TUBGCP5: variants seen among roughly 807,000 people sequenced by gnomAD.
TUBGCP5 encodes the protein tubulin gamma complex component 5.
TUBGCP5 carries 98 observed loss-of-function variants against 134.7 expected under a neutral mutation model. The observed-to-expected ratio is 0.73, with a 90% CI of 0.62 to 0.86. The LOEUF (loss-of-function observed/expected upper bound fraction) is 0.86, where lower values mean the gene tolerates loss of function less well. TUBGCP5 is among the 40% of genes least tolerant of loss of function. The pLI, the probability that TUBGCP5 is intolerant of heterozygous loss-of-function variation, is 0.00. For missense variants in TUBGCP5, 1,150 were observed against 1,244.8 expected (o/e 0.92, Z 1.15); for synonymous variants, 456 against 431.4 (o/e 1.06, Z -0.71).
rs1310080491 is a variant in TUBGCP5 at position 22,993,546 on chromosome 15, T to G, written c.*61+3299A>C. On this transcript the variant is annotated intron_variant and NMD_transcript_variant, in intron 23 of 23. Transcript: ENST00000614508. The stretch of plus-strand genomic sequence containing the variant: ...CGAAGTTTTTTTTTTTTTTTTTTTT[T>G]TTTTTTTTTTTAATATGAGACGGAG... Among the ~76,000 whole-genome samples the G allele has an allele frequency of 8.9e-4, 113 of 127,580 alleles. 3 individuals are homozygous for G. The highest frequency in any genetic ancestry group is 2.8e-3 in the African/African-American group (100 of 35,298). The allele number at this position is 127,580 out of a possible 152,430, so 83.7% of individuals were successfully genotyped here.
rs1282844204 is a variant in TUBGCP5 at position 23,013,874 on chromosome 15, C to G, written c.1757-2543G>C. ...TCCTCTGGGCCAGTAGCTGCTGCAC[C>G]TCTCCTGCACCCCAGCCACTGGGGC... On this transcript the variant is annotated intron_variant, in intron 13 of 22. Transcript: ENST00000615383. The surrounding 1 kb of genome is among the most constrained non-coding windows in gnomAD (Gnocchi z 4.5). Among the ~76,000 whole-genome samples the G allele has an allele frequency of 6.6e-6, 1 of 152,168 alleles. No homozygotes were observed. Among genetic ancestry groups the G allele is most frequent in the Admixed American group, 6.5e-5 (1 of 15,274 alleles).
At chr15:22,983,244 G>T (rs755521211) in exon 24 of TUBGCP5, 1 of 152,126 alleles carries the variant, frequency 6.6e-6, no homozygotes, top group Non-Finnish European at 1.5e-5. Flanking sequence ...AAATAAACAC[G>T]TAACATTCAC....
Position 23,017,779 on chromosome 15 carries a change from C to T in TUBGCP5, c.1750G>A (p.Ala584Thr). 1 of 1,613,196 alleles carries T rather than the reference C, an allele frequency of 6.2e-7. No homozygotes were observed. The highest frequency in any genetic ancestry group is 8.5e-7 in the Non-Finnish European group (1 of 1,179,412). The change falls in exon 13 of 23, where the codon GCC becomes ACC. Residue 584 changes from alanine (A) to threonine (T), a missense_variant. Coordinates refer to ENST00000615383, the MANE Select transcript of TUBGCP5 (RefSeq NM_052903.6). ...CAESTTCQAG[A>T]RDAERKSLYT... is the part of the protein sequence containing the mutation. ...AGGAAGACGGAACAAGTACCTCTGG[C>T]TCCTGCCTGGCAGGTGGTGCTCTCC...
chr15:23,035,803 G>A (rs1010082721), intron 3 of TUBGCP5, among the ~76,000 whole-genome samples: 2 of 152,094 alleles, frequency 1.3e-5, no homozygotes, highest in Non-Finnish European at 2.9e-5. Context: ...GACACAGAGG[G>A]GATAGTGAAG....
downstream of TUBGCP5, chr15:22,996,758 G>A (rs546304981): frequency 2.6e-5 from 4 of 152,394 alleles, no homozygotes; most frequent in Admixed American, 1.3e-4. Flanking sequence ...AAAGTGCTGG[G>A]ATTATAGGCA....
rs1050395798 is a variant in TUBGCP5 at position 23,026,696 on chromosome 15, G to A, written c.738-491C>T. ...GCCTGTAATTCCAGCACTTTGGGAG[G>A]CCGAGGCAGGTGGATCACTTGAGGA... On this transcript the variant is annotated intron_variant, in intron 7 of 22. Coordinates refer to ENST00000615383, the MANE Select transcript of TUBGCP5 (RefSeq NM_052903.6). Among the ~76,000 whole-genome samples, 4 of 152,256 alleles carry A rather than the reference G, an allele frequency of 2.6e-5. No homozygotes were observed. In the East Asian group the frequency reaches 7.7e-4, roughly 29 times the overall value.
chr15:22,995,403 C>T (rs1457984380), downstream of TUBGCP5, among the ~76,000 whole-genome samples: 2 of 151,900 alleles, frequency 1.3e-5, no homozygotes, highest in East Asian at 1.9e-4. Context: ...CCACCTTGTT[C>T]GTGGTCCCCC....
chr15:23,011,112 A>G (rs2065007508), intron 14 of TUBGCP5, 21 bp downstream of exon 14: 1 of 1,611,102 alleles, frequency 6.2e-7, no homozygotes, highest in South Asian at 1.1e-5. Context: ...AATTACTGAT[A>G]ACCTTGCAGG....
chr15:22,993,934 G>A (rs1302305890), intron 23 of TUBGCP5, among the ~76,000 whole-genome samples: 2 of 152,056 alleles, frequency 1.3e-5, no homozygotes, highest in Non-Finnish European at 2.9e-5. Context: ...GCCTGCCTCG[G>A]CCTCCCAAAA....
intron 23 of TUBGCP5, among the ~76,000 whole-genome samples, chr15:22,993,399 G>A (rs1798601473): frequency 6.8e-6 from 1 of 147,476 alleles, no homozygotes; most frequent in Admixed American, 6.8e-5. Context: ...CGCCCAGCTG[G>A]AAACTCTTTT....
Position 22,999,837 on chromosome 15 carries a change from C to G in TUBGCP5, c.3058G>C (p.Gly1020Arg), listed in dbSNP as rs1378473489. The G allele has an allele frequency of 4.3e-6, 7 of 1,613,874 alleles. No individual in the cohort carries two copies. In the South Asian group the frequency reaches 7.7e-5, roughly 18 times the overall value. Reference sequence around the variant, plus strand: ...GAAGACATTTAACTTTGTTCCATGCCAGCCATGAGTGACAACGCTAGAGAT... The same window carrying G: ...GAAGACATTTAACTTTGTTCCATGCGAGCCATGAGTGACAACGCTAGAGAT... ...LESLALSLMA[G>R]MEQS is the part of the protein sequence containing the mutation. Residue 1020 changes from glycine to arginine, a missense_variant, in exon 23 of 23, where the codon GGC (glycine) becomes CGC (arginine). Coordinates refer to ENST00000615383, the MANE Select transcript of TUBGCP5 (RefSeq NM_052903.6).
chr15:23,018,149 T>C, intron 12 of TUBGCP5, 108 bp from the exon 13 acceptor site: 1 of 1,188,618 alleles, frequency 8.4e-7, no homozygotes, highest in Non-Finnish European at 1.2e-6. Flanking sequence ...TAATTATTAG[T>C]AAACTGAAGC....
chr15:23,014,249 G>A (rs2065193813), intron 13 of TUBGCP5, among the ~76,000 whole-genome samples: 2 of 152,182 alleles, frequency 1.3e-5, no homozygotes, highest in African/African-American at 2.4e-5. Context: ...CTACCCAGTG[G>A]CCCTGGGTCA....
rs143778036 is a variant in TUBGCP5, at chr15:23,037,144, C to T, written c.155G>A (p.Arg52His). ...TTTGTGGCTGTTGACATCCAAGAAA[C>T]GATGAAATCTATTAAAGACAAAATG... is the stretch of plus-strand genomic sequence containing the variant. Reference protein sequence around the residue: ...NFAWSNFRFHRFLDVNSHKIE... With the variant: ...NFAWSNFRFHHFLDVNSHKIE... The change falls in exon 2 of 23, where the codon CGT (arginine) becomes CAT (histidine). Residue 52 changes from arginine to histidine, a missense_variant. Physicochemically the swap from Arg to His is conservative, Grantham distance 29. This residue lies in a region of TUBGCP5 where 453 missense variants were observed against 394.7 expected (regional missense o/e 1.15). Coordinates refer to ENST00000615383, the MANE Select transcript of TUBGCP5 (RefSeq NM_052903.6). The T allele has an allele frequency of 2.4e-5, 39 of 1,613,272 alleles. No homozygotes were observed. The highest frequency in any genetic ancestry group is 1.9e-4 in the African/African-American group (14 of 74,968).
At chr15:23,014,296 C>A (rs2065197062) in intron 13 of TUBGCP5, among the ~76,000 whole-genome samples, 1 of 152,206 alleles carries the variant, frequency 6.6e-6, no homozygotes, top group Admixed American at 6.5e-5. Flanking sequence ...AGAGGCTGCC[C>A]TGGCAGGCAT....
rs1457130720 is a variant in TUBGCP5 at position 23,023,816 on chromosome 15, T to C, written c.1168+131A>G. The C allele has an allele frequency of 2.6e-5, 21 of 815,334 alleles. 1 individual carries two copies. Among genetic ancestry groups the C allele is most frequent in the Non-Finnish European group, 3.2e-5 (18 of 557,204 alleles). The allele number at this position is 815,334 out of a possible 1,614,324, so 50.5% of individuals were successfully genotyped here. ...GCTTAAAAATATAAATTTAAAATAATTTTAAAAGAAGCATTCACGAGAACT... is the reference window on the plus strand; with the variant it reads ...GCTTAAAAATATAAATTTAAAATAACTTTAAAAGAAGCATTCACGAGAACT... On this transcript the variant is annotated intron_variant, in intron 10 of 22. Coordinates refer to ENST00000615383, the MANE Select transcript of TUBGCP5 (RefSeq NM_052903.6).
At chr15:23,015,145 T>C (rs1449891851) in intron 13 of TUBGCP5, among the ~76,000 whole-genome samples, 3 of 152,008 alleles carry the variant, frequency 2.0e-5, no homozygotes, top group South Asian at 2.1e-4. Context: ...AGTACAGTGG[T>C]ATAATCTTGG....
rs111738823 is a variant in TUBGCP5, at chr15:23,009,011, A to G, written c.2145-130T>C. 126 of 656,944 alleles carry G rather than the reference A, an allele frequency of 1.9e-4. No individual in the cohort carries two copies. In the African/African-American group the frequency reaches 2.0e-3, roughly 10 times the overall value. 40.7% of individuals were successfully genotyped at this position (656,944 alleles called of 1,614,324 possible). ...CATTCTACATTTACTAAAATTAGAA[A>G]TATTAACACCTCTTAAACTTGTTCC... On this transcript the variant is annotated intron_variant, in intron 15 of 22. Transcript: ENST00000615383.
intron 23 of TUBGCP5, among the ~76,000 whole-genome samples, chr15:22,993,614 G>A (rs1005298276): frequency 2.1e-4 from 30 of 140,048 alleles, no homozygotes; most frequent in Admixed American, 1.9e-3. Context: ...GTGCGATCTC[G>A]GCTCACTGCA....
Sources: gnomAD v4.1 joint callset for allele counts (sites outside exome capture counted in the v4.1 genomes callset) on GRCh38, gnomAD v4.1.1 for gene constraint, gnomAD v4.1.1 regional missense constraint, Gnocchi (gnomAD v3.1) non-coding constraint, MANE v1.5 for transcripts, NCBI Gene and HGNC (gene_info 2026-07-23, HGNC 2026-07-21) for gene names.